The following FBXO5 variants were observed in gnomAD, a reference collection of about 807,000 sequenced individuals.
The protein encoded by FBXO5 is F-box protein 5.
In FBXO5, 8 loss-of-function variants were observed where a neutral mutation model predicts 43.3. The observed-to-expected ratio is 0.18, with a 90% CI of 0.11 to 0.33. FBXO5 has a LOEUF of 0.33. FBXO5 is among the 10% of genes least tolerant of loss of function. The probability of loss-of-function intolerance (pLI) is 1.00; values close to 1 mark genes in which losing one functional copy is unlikely to be tolerated. For missense variants in FBXO5, 491 were observed against 535.7 expected (o/e 0.92, Z 0.82); for synonymous variants, 204 against 193.7 (o/e 1.05, Z -0.44).
In FBXO5 at chr6:152,982,973, G is replaced by T; in HGVS notation, c.-14C>A. 7.2e-7 allele frequency: 1 copy of T among 1,393,918 alleles called. No individual in the cohort carries two copies. The highest frequency in any genetic ancestry group is 9.3e-7 in the Non-Finnish European group (1 of 1,080,656). The allele number at this position is 1,393,918 out of a possible 1,614,324, so 86.3% of individuals were successfully genotyped here. ...GCGCCGGCTCATGCCAGCCGACGTG[G>T]AGTCTGCCTCAGGTGGAGGAACCGC... On this transcript the variant is annotated 5_prime_UTR_variant, in exon 1 of 5. Coordinates refer to ENST00000229758, the MANE Select transcript of FBXO5 (RefSeq NM_012177.5).
At chr6:152,983,564 CCT>C (rs1453472116), upstream of FBXO5, 2 of 152,408 alleles carry the variant, frequency 1.3e-5, no homozygotes, top group Non-Finnish European at 2.9e-5. Context: ...GCTTAGCCCG[CCT>C]CTCTAGGATT....
At chr6:152,981,498 G>A (rs1348291292) in intron 1 of FBXO5, among the ~76,000 whole-genome samples, 1 of 152,082 alleles carries the variant, frequency 6.6e-6, no homozygotes, top group Non-Finnish European at 1.5e-5. Flanking sequence ...TAATCTTTAA[G>A]AGAAAATTTT....
intron 2 of FBXO5, 116 bp from the exon 3 acceptor site, chr6:152,973,252 A>T (rs773513507): frequency 3.9e-6 from 3 of 771,844 alleles, no homozygotes; most frequent in African/African-American, 3.5e-5. Flanking sequence ...AGTGCTTCTC[A>T]AACCTGACCA....
Position 152,982,939 on chromosome 6 carries a change from G to A in FBXO5, c.21C>T (p.Ser7=). ...AGCAGCGGGGTGGCCGTAGGGCGCA[G>A]CTGCAGGGGCGCCGGCTCATGCCAG... is the stretch of plus-strand genomic sequence containing the variant. The part of the protein sequence containing the change: MSRRPC[S]CALRPPRCSC... Residue 7 remains serine (S), a synonymous_variant, in exon 1 of 5, where the codon AGC becomes AGT. Transcript: ENST00000229758. The A allele has an allele frequency of 1.4e-6, 2 of 1,430,154 alleles. No individual in the cohort carries two copies. The highest frequency in any genetic ancestry group is 2.9e-5 in the South Asian group (2 of 68,178). 88.6% of individuals were successfully genotyped at this position (1,430,154 alleles called of 1,614,324 possible). A position where few individuals can be genotyped will look rare whatever the true frequency, so the allele number is the denominator to read the frequency against.
At position 152,974,789 on chromosome 6, in the gene FBXO5, A is replaced by C. The variant is rs1778137760; in HGVS notation, c.818+118T>G. ...ATCTGAAATCCTTCTGGTACTAAGC[A>C]TTTCAGATGAGGGACACTCAACCTG... is the stretch of plus-strand genomic sequence containing the variant. On this transcript the variant is annotated intron_variant, in intron 2 of 4. Transcript: ENST00000229758. 1.2e-5 allele frequency: 9 copies of C among 768,698 alleles called. No homozygotes were observed. In the South Asian group the frequency reaches 1.7e-4, roughly 14 times the overall value. 47.6% of individuals were successfully genotyped at this position (768,698 alleles called of 1,614,324 possible).
At chr6:152,977,931 T>G (rs909701946) in intron 1 of FBXO5, among the ~76,000 whole-genome samples, 12 of 152,228 alleles carry the variant, frequency 7.9e-5, no homozygotes, top group Admixed American at 7.9e-4. Context: ...CTAATAATGA[T>G]GCAAATCCTT....
At chr6:152,974,870 G>A (rs1011506358) in intron 2 of FBXO5, 37 bp downstream of exon 2, 1 of 1,491,868 alleles carries the variant, frequency 6.7e-7, no homozygotes, top group African/African-American at 1.4e-5. Flanking sequence ...AATGTTCAGT[G>A]TATTATGCTA....
intron 2 of FBXO5, 100 bp from the exon 3 acceptor site, chr6:152,973,236 A>G: frequency 1.1e-6 from 1 of 927,838 alleles, no homozygotes; most frequent in Admixed American, 2.1e-5. Context: ...GATATTTTAT[A>G]TTATTAGTGC....
chr6:152,970,975 T>C lies in FBXO5; in HGVS notation c.*188A>G. 2.1e-6 allele frequency: 1 copy of C among 477,956 alleles called. No individual in the cohort carries two copies. 29.6% of individuals were successfully genotyped at this position (477,956 alleles called of 1,614,324 possible). A position where few individuals can be genotyped will look rare whatever the true frequency, so the allele number is the denominator to read the frequency against. On this transcript the variant is annotated 3_prime_UTR_variant, in exon 5 of 5. Coordinates refer to ENST00000229758, the MANE Select transcript of FBXO5 (RefSeq NM_012177.5). ...ATTTGTATTGAGAATTTTAAACTTT[T>C]TCTCATTAAATTGTAAAAATATTTT...
At chr6:152,982,805 G>T in intron 1 of FBXO5, 52 bp downstream of exon 1, 1 of 1,288,754 alleles carries the variant, frequency 7.8e-7, no homozygotes, top group Non-Finnish European at 1.0e-6. Flanking sequence ...GACCCTCCCC[G>T]TGCACCCCTC....
intron 3 of FBXO5, 112 bp downstream of exon 3, chr6:152,972,934 A>C: frequency 1.4e-6 from 1 of 705,316 alleles, no homozygotes; most frequent in Non-Finnish European, 2.3e-6. Flanking sequence ...TATAAGGCTG[A>C]AATACTTTAT....
chr6:152,971,279 G>C lies in FBXO5; in HGVS notation c.1228C>G (p.Leu410Val). The C allele has an allele frequency of 6.2e-7, 1 of 1,614,012 alleles. No homozygotes were observed. The highest frequency in any genetic ancestry group is 1.1e-5 in the South Asian group (1 of 91,072). ...GCGFDYCTKC[L>V]CNYHTTKDCS... ...TCTTTAGTAGTATGATAATTACAGA[G>C]ACACTTCGTACAATAATCAAATCCA... The change falls in exon 5 of 5, where the codon CTC becomes GTC. Residue 410 changes from leucine (L) to valine (V), a missense_variant. Physicochemically the swap from Leu to Val is conservative, Grantham distance 32. Coordinates refer to ENST00000229758, the MANE Select transcript of FBXO5 (RefSeq NM_012177.5).
intron 2 of FBXO5, chr6:152,974,072 A>AT (rs1778126158): frequency 6.6e-6 from 1 of 152,096 alleles, no homozygotes; most frequent in South Asian, 2.1e-4. Context: ...TCCTTGGTAG[A>AT]TTGAGAAAGA....
In FBXO5 at chr6:152,971,237, G is replaced by A. The variant is rs1183413477; in HGVS notation, c.1270C>T (p.Leu424Phe). ...CCTATTTTACAACTGGCTTTGAGGA[G>A]CTTGCCATCTGAACAGTCTTTAGTA... ...HTTKDCSDGK[L>F]LKASCKIGPL... Residue 424 changes from leucine (L) to phenylalanine (F), a missense_variant, in exon 5 of 5, where the codon CTC becomes TTC. By Grantham distance (22) the Leu-to-Phe change is conservative. Transcript: ENST00000229758. 1 of 1,613,788 alleles carries A rather than the reference G, an allele frequency of 6.2e-7. No individual in the cohort carries two copies. The highest frequency in any genetic ancestry group is 8.5e-7 in the Non-Finnish European group (1 of 1,179,904).
chr6:152,978,199 A>G (rs1778201078), intron 1 of FBXO5, among the ~76,000 whole-genome samples: 1 of 152,166 alleles, frequency 6.6e-6, no homozygotes, highest in African/African-American at 2.4e-5. Context: ...TTAAGGTACT[A>G]AAGAAGAAAA....
intron 1 of FBXO5, among the ~76,000 whole-genome samples, chr6:152,979,762 T>C (rs1211955325): frequency 6.6e-6 from 1 of 152,226 alleles, no homozygotes; most frequent in Non-Finnish European, 1.5e-5. Context: ...GCTCTTGCAG[T>C]TGACATTGGT....
rs1413362074 is a variant in FBXO5 at position 152,972,468 on chromosome 6, A to G, written c.910-14T>C. On this transcript the variant is annotated splice_polypyrimidine_tract_variant and intron_variant, in intron 3 of 4. Transcript: ENST00000229758. The stretch of plus-strand genomic sequence containing the variant: ...ATTGTTGTTTTCCTAATTTAAAAAA[A>G]AGTTTTAATAGAATTTAGAAATTAT... 6.5e-7 allele frequency: 1 copy of G among 1,544,214 alleles called. No homozygotes were observed. Among genetic ancestry groups the G allele is most frequent in the Admixed American group, 1.9e-5 (1 of 53,534 alleles).
At chr6:152,973,546 A>G (rs909942554) in intron 2 of FBXO5, 1 of 159,734 alleles carries the variant, frequency 6.3e-6, no homozygotes, top group African/African-American at 2.4e-5. Context: ...TAACAGAAAA[A>G]GTAGAATCTG....
At chr6:152,983,450 A>G (rs1218663026), upstream of FBXO5, 2 of 153,498 alleles carry the variant, frequency 1.3e-5, no homozygotes, top group Non-Finnish European at 2.9e-5. Flanking sequence ...TACAAATGGT[A>G]GCCGACTTTC....
Sources: allele counts gnomAD v4.1 joint callset (sites outside exome capture counted in the v4.1 genomes callset), GRCh38; gene constraint gnomAD v4.1.1; transcripts MANE v1.5; gene names NCBI Gene and HGNC (gene_info 2026-07-23, HGNC 2026-07-21).